The following SLC35F1 variants were observed in gnomAD, a reference collection of about 807,000 sequenced individuals.
SLC35F1 encodes the protein chromosome 6 open reading frame 169.
A neutral mutation model predicts 48.7 loss-of-function variants in SLC35F1; 14 were observed. The observed-to-expected ratio is 0.29, with a 90% CI of 0.19 to 0.45. The LOEUF (loss-of-function observed/expected upper bound fraction) is 0.45. Ranked by LOEUF, SLC35F1 falls within the 20% of genes least tolerant of loss-of-function variation. The pLI is 1.00. For missense variants in SLC35F1, 404 were observed against 500.0 expected (o/e 0.81, Z 1.83); for synonymous variants, 190 against 202.2 (o/e 0.94, Z 0.51).
At chr6:117,928,870 A>G (rs1239067229) in intron 1 of SLC35F1, among the ~76,000 whole-genome samples, 3 of 152,184 alleles carry the variant, frequency 2.0e-5, no homozygotes, top group Admixed American at 6.5e-5. Flanking sequence ...TGATTGTGAA[A>G]CTGGCCCAGT....
chr6:117,913,859 T>C (rs1479629002), intron 1 of SLC35F1, among the ~76,000 whole-genome samples: 1 of 152,130 alleles, frequency 6.6e-6, no homozygotes. Flanking sequence ...GAGACCAACC[T>C]GGCCAACATG....
intron 1 of SLC35F1, among the ~76,000 whole-genome samples, chr6:118,049,730 G>A (rs1464945121): frequency 6.6e-6 from 1 of 151,976 alleles, no homozygotes; most frequent in Non-Finnish European, 1.5e-5. Flanking sequence ...TGCTGGAGAG[G>A]ATGTGGAGAA....
intron 6 of SLC35F1, among the ~76,000 whole-genome samples, chr6:118,280,740 T>G (rs1358964812): frequency 1.3e-5 from 2 of 151,712 alleles, no homozygotes; most frequent in Non-Finnish European, 2.9e-5. Context: ...TACCTGGGTG[T>G]GGTGGTGCAT....
chr6:118,178,046 G>A (rs546753026), intron 2 of SLC35F1, among the ~76,000 whole-genome samples: 1 of 152,172 alleles, frequency 6.6e-6, no homozygotes, highest in East Asian at 1.9e-4. Flanking sequence ...TCCTACAATA[G>A]CAGCTTTCCC....
At chr6:118,228,442 T>A (rs1039146218) in intron 2 of SLC35F1, among the ~76,000 whole-genome samples, 1 of 152,082 alleles carries the variant, frequency 6.6e-6, no homozygotes, top group African/African-American at 2.4e-5. Flanking sequence ...GTGGCTCACA[T>A]CTGTAATCCC....
chr6:118,117,914 A>G (rs1056860081), intron 1 of SLC35F1, among the ~76,000 whole-genome samples: 2 of 152,062 alleles, frequency 1.3e-5, no homozygotes, highest in Non-Finnish European at 2.9e-5. Flanking sequence ...TTACTATTTC[A>G]TACCTTTTTA....
At chr6:118,206,314 A>G (rs1487828225) in intron 2 of SLC35F1, among the ~76,000 whole-genome samples, 1 of 152,164 alleles carries the variant, frequency 6.6e-6, no homozygotes, top group Non-Finnish European at 1.5e-5. Flanking sequence ...TCATGTTAAC[A>G]TGCTATCTTT....
chr6:117,989,608 G>T (rs988580837), intron 1 of SLC35F1, among the ~76,000 whole-genome samples: 1 of 152,178 alleles, frequency 6.6e-6, no homozygotes, highest in Non-Finnish European at 1.5e-5. Context: ...TAAATGATTT[G>T]CTATTTTGTT....
intron 1 of SLC35F1, among the ~76,000 whole-genome samples, chr6:117,928,009 C>T (rs969746194): frequency 1.1e-4 from 16 of 152,264 alleles, no homozygotes; most frequent in African/African-American, 3.9e-4. Flanking sequence ...GCAGGTGTTG[C>T]AGCTTTTAAA....
chr6:118,118,010 T>G (rs1303277137), intron 1 of SLC35F1, among the ~76,000 whole-genome samples: 4 of 152,248 alleles, frequency 2.6e-5, no homozygotes, highest in Non-Finnish European at 5.9e-5. Flanking sequence ...CTTGCAGTTT[T>G]TGGCTGTTAT....
intron 2 of SLC35F1, among the ~76,000 whole-genome samples, chr6:118,157,997 C>G (rs1248947049): frequency 6.6e-6 from 1 of 152,082 alleles, no homozygotes; most frequent in Non-Finnish European, 1.5e-5. Context: ...TGGAAAGAGG[C>G]TAAGGACTAG....
At chr6:117,932,538 G>A (rs1776115963) in intron 1 of SLC35F1, among the ~76,000 whole-genome samples, 1 of 152,064 alleles carries the variant, frequency 6.6e-6, no homozygotes, top group Non-Finnish European at 1.5e-5. Context: ...TTAACTTTCT[G>A]TACCCAAATC....
intron 3 of SLC35F1, among the ~76,000 whole-genome samples, chr6:118,253,193 T>C (rs897302501): frequency 6.6e-6 from 1 of 151,814 alleles, no homozygotes; most frequent in East Asian, 1.9e-4. Flanking sequence ...GAACACAATA[T>C]TTGAGAGATG....
intron 4 of SLC35F1, among the ~76,000 whole-genome samples, chr6:118,270,397 C>G (rs747417531): frequency 3.6e-4 from 55 of 152,134 alleles, no homozygotes; most frequent in Non-Finnish European, 6.3e-4. Flanking sequence ...TGAAACTTGA[C>G]CAGCAAGTTT....
At chr6:117,980,060 G>A (rs984782316) in intron 1 of SLC35F1, among the ~76,000 whole-genome samples, 1 of 152,140 alleles carries the variant, frequency 6.6e-6, no homozygotes, top group Non-Finnish European at 1.5e-5. Flanking sequence ...CTCATCGAAT[G>A]GGTTTCTGTT....
intron 2 of SLC35F1, among the ~76,000 whole-genome samples, chr6:118,165,906 T>C (rs563010060): frequency 6.6e-6 from 1 of 152,194 alleles, no homozygotes; most frequent in East Asian, 1.9e-4. Flanking sequence ...TAACCAGAAT[T>C]CCAAATCTCC....
At chr6:118,050,891 G>A (rs2114909897) in intron 1 of SLC35F1, among the ~76,000 whole-genome samples, 1 of 152,262 alleles carries the variant, frequency 6.6e-6, no homozygotes, top group Non-Finnish European at 1.5e-5. Flanking sequence ...AACACAAGGA[G>A]TAGGGGGCTC....
At chr6:118,165,885 G>A (rs1021262857) in intron 2 of SLC35F1, among the ~76,000 whole-genome samples, 1 of 152,140 alleles carries the variant, frequency 6.6e-6, no homozygotes, top group African/African-American at 2.4e-5. Flanking sequence ...GGAAAATTGG[G>A]TCACTGTTTA....
At chr6:118,225,654 A>G (rs1440910755) in intron 2 of SLC35F1, among the ~76,000 whole-genome samples, 1 of 152,222 alleles carries the variant, frequency 6.6e-6, no homozygotes, top group Non-Finnish European at 1.5e-5. Context: ...GGTCATATCA[A>G]GTTAAAAACC....
Sources: gnomAD v4.1 joint callset for allele counts (sites outside exome capture counted in the v4.1 genomes callset) on GRCh38, gnomAD v4.1.1 for gene constraint, MANE v1.5 for transcripts, NCBI Gene and HGNC (gene_info 2026-07-23, HGNC 2026-07-21) for gene names.